ECE2: variants seen among roughly 807,000 people sequenced by gnomAD.
ECE2 encodes the protein endothelin-converting enzyme 2.
A neutral mutation model predicts 100.6 loss-of-function variants in ECE2; 81 were observed. The ratio of observed to expected loss-of-function variants is 0.81; its 90% CI spans 0.67 to 0.97. ECE2 has a LOEUF of 0.97. ECE2 is among the 50% of genes least tolerant of loss of function. The pLI, the probability that ECE2 is intolerant of heterozygous loss-of-function variation, is 0.00. For missense variants in ECE2, 911 were observed against 988.1 expected, an observed-to-expected ratio of 0.92 and a Z score of 1.05; for synonymous variants, 391 against 391.5, an observed-to-expected ratio of 1.00 and a Z score of 0.02.
chr3:184,292,272 C>T lies in ECE2; in HGVS notation c.*34C>T, dbSNP rs890517399. 3.7e-6 allele frequency: 6 copies of T among 1,609,616 alleles called. No homozygotes were observed. The highest frequency in any genetic ancestry group is 2.7e-5 in the African/African-American group (2 of 74,852). On this transcript the variant is annotated 3_prime_UTR_variant, in exon 19 of 19. Transcript: ENST00000404464. ...CAGGGGAGAAATGGCCAGCTGTCAC[C>T]AGACCTGGGGCAGCTCTCCTGACAA...
intron 5 of ECE2, 56 bp from the exon 6 acceptor site, chr3:184,278,111 C>A: frequency 6.2e-7 from 1 of 1,613,142 alleles, no homozygotes; most frequent in Non-Finnish European, 8.5e-7. Context: ...AGGAGATGGC[C>A]CAGGAACGCT....
Position 184,278,045 on chromosome 3 carries a change from A to G in ECE2, c.599A>G (p.Glu200Gly). 6.2e-7 allele frequency: 1 copy of G among 1,613,944 alleles called. No homozygotes were observed. Among genetic ancestry groups the G allele is most frequent in the Middle Eastern group, 1.7e-4 (1 of 6,050 alleles). Residue 200 changes from glutamate (E) to glycine (G), a missense_variant, in exon 5 of 19, where the codon GAG becomes GGG. By Grantham distance (98) the Glu-to-Gly change is moderately conservative. Transcript: ENST00000404464. ...LGAQPLRDLIEKIGGWNITGP... is the reference protein window; with the variant it reads ...LGAQPLRDLIGKIGGWNITGP... ...GCCCAGCCACTGAGAGACCTCATTG[A>G]GAAGGTAGGGCCACTGAGCCGGTTG... is the stretch of plus-strand genomic sequence containing the variant.
chr3:184,291,205 A>G lies in ECE2; in HGVS notation c.2000A>G (p.Asn667Ser), dbSNP rs748504825. 1.2e-6 allele frequency: 2 copies of G among 1,612,900 alleles called. No individual in the cohort carries two copies. Among genetic ancestry groups the G allele is most frequent in the East Asian group, 2.2e-5 (1 of 44,876 alleles). ...ACGCTGGGGGAGAACATTGCTGACA[A>G]CGGGGGGCTGAAGGCTGCCTACAAT... Reference protein sequence around the residue: ...RQTLGENIADNGGLKAAYNAY... With the variant: ...RQTLGENIADSGGLKAAYNAY... Residue 667 changes from asparagine (N) to serine (S), a missense_variant, in exon 17 of 19, where the codon AAC (asparagine) becomes AGC (serine). Transcript: ENST00000404464. The surrounding 1 kb of genome is among the most constrained non-coding windows in gnomAD (Gnocchi z 4.1).
rs753591380 is a variant in ECE2, at chr3:184,276,931, C to T, written c.166C>T (p.Arg56Cys). Residue 56 changes from arginine (R) to cysteine (C), a missense_variant, in exon 3 of 19, where the codon CGC (arginine) becomes TGC (cysteine). Physicochemically the swap from Arg to Cys is radical, Grantham distance 180 (BLOSUM62 -3). Transcript: ENST00000404464. ...QKGTRQLLGS[R>C]TQLELVLAGA... ...GGGGACAAGACAGCTGTTAGGCTCA[C>T]GCACGCAGCTGGAGCTGGTCTTAGC... The T allele has an allele frequency of 1.1e-5, 17 of 1,614,078 alleles. No homozygotes were observed. In the East Asian group the frequency reaches 1.8e-4, roughly 17 times the overall value.
At chr3:184,292,022 A>G (rs1721348376) in intron 18 of ECE2, 40 bp from the exon 19 acceptor site, 1 of 1,579,496 alleles carries the variant, frequency 6.3e-7, no homozygotes, top group South Asian at 1.1e-5. Context: ...CCGGCTCCAC[A>G]CTAGACACCA....
rs1720916180 is a variant in ECE2 at position 184,283,884 on chromosome 3, G to A, written c.916G>A (p.Glu306Lys). Residue 306 changes from glutamate to lysine, a missense_variant, in exon 8 of 19, where the codon GAG (glutamate) becomes AAG (lysine). Coordinates refer to ENST00000404464, the MANE Select transcript of ECE2 (RefSeq NM_001100121.2). ...REQMQQVLELEIQLANITVPQ... is the reference protein window; with the variant it reads ...REQMQQVLELKIQLANITVPQ... The stretch of plus-strand genomic sequence containing the variant: ...GCAGATGCAGCAGGTGCTGGAGTTG[G>A]AGATACAGCTGGCCAACATCACAGT... The A allele has an allele frequency of 1.2e-6, 2 of 1,613,990 alleles. No homozygotes were observed. Among genetic ancestry groups the A allele is most frequent in the Non-Finnish European group, 1.7e-6 (2 of 1,180,014 alleles).
chr3:184,281,023 G>T (rs1720796316), intron 7 of ECE2, among the ~76,000 whole-genome samples: 1 of 151,814 alleles, frequency 6.6e-6, no homozygotes, highest in African/African-American at 2.4e-5. Context: ...CCTAAACAAA[G>T]GCTTTGAAGA....
chr3:184,280,317 A>G (rs1720763059), intron 7 of ECE2, among the ~76,000 whole-genome samples: 1 of 152,192 alleles, frequency 6.6e-6, no homozygotes, highest in Non-Finnish European at 1.5e-5. Flanking sequence ...ATCCGTAAAC[A>G]GGGGATCATA....
chr3:184,278,716 C>T (rs1720686021), intron 7 of ECE2, 159 bp downstream of exon 7: 4 of 675,640 alleles, frequency 5.9e-6, no homozygotes, highest in Non-Finnish European at 9.9e-6. Flanking sequence ...TTCTTCCTCC[C>T]TCCCTCCCTT....
chr3:184,292,355 T>TCC lies in ECE2; in HGVS notation c.*123_*124dup. The TCC allele has an allele frequency of 8.4e-7, 1 of 1,195,802 alleles. No homozygotes were observed. Among genetic ancestry groups the TCC allele is most frequent in the African/African-American group, 1.5e-5 (1 of 65,800 alleles). The allele number at this position is 1,195,802 out of a possible 1,614,324, so 74.1% of individuals were successfully genotyped here. On this transcript the variant is annotated 3_prime_UTR_variant, in exon 19 of 19. Coordinates refer to ENST00000404464, the MANE Select transcript of ECE2 (RefSeq NM_001100121.2). ...TGCAAGCTGGGCTGGGTCTAGTCCC[T>TCC]CCCCCCCACAGGTGACATGAGTACA... is the stretch of plus-strand genomic sequence containing the variant.
chr3:184,290,940 C>T, intron 16 of ECE2, 80 bp downstream of exon 16: 1 of 1,604,858 alleles, frequency 6.2e-7, no homozygotes, highest in South Asian at 1.1e-5. Flanking sequence ...GATGTAGCCC[C>T]AAGGGCCCTG....
chr3:184,288,060 C>T (rs1270193679), intron 11 of ECE2, 113 bp downstream of exon 11: 1 of 968,460 alleles, frequency 1.0e-6, no homozygotes, highest in Non-Finnish European at 1.5e-6. Flanking sequence ...CCGGTAATCC[C>T]AGCACTTTGG....
In ECE2 at chr3:184,277,286, A is replaced by G. The variant is rs1577133263; in HGVS notation, c.298A>G (p.Ile100Val). 2 of 1,614,236 alleles carry G rather than the reference A, an allele frequency of 1.2e-6. No homozygotes were observed. The highest frequency in any genetic ancestry group is 1.7e-6 in the Non-Finnish European group (2 of 1,180,032). Residue 100 changes from isoleucine to valine, a missense_variant, in exon 4 of 19, where the codon ATT becomes GTT. By Grantham distance (29) the Ile-to-Val change is conservative. Coordinates refer to ENST00000404464, the MANE Select transcript of ECE2 (RefSeq NM_001100121.2). The stretch of plus-strand genomic sequence containing the variant: ...CAGCACCTGCCTTACAGAGGCCTGC[A>G]TTCGAGTGGCTGGAAAAATCCTGGA... ...SHSTCLTEAC[I>V]RVAGKILESL... is the part of the protein sequence containing the mutation.
Position 184,291,223 on chromosome 3 carries a change from C to A in ECE2, c.2018C>A (p.Ala673Asp). ...NIADNGGLKA[A>D]YNAYKAWLRK... ...GCTGACAACGGGGGGCTGAAGGCTG[C>A]CTACAATGTGAGTGGCCTGACCAGC... The change falls in exon 17 of 19, where the codon GCC becomes GAC. Residue 673 changes from alanine to aspartate, a missense_variant. Physicochemically the swap from Ala to Asp is moderately radical, Grantham distance 126 (BLOSUM62 -2). Coordinates refer to ENST00000404464, the MANE Select transcript of ECE2 (RefSeq NM_001100121.2). This position sits in a 1 kb window ranked among gnomAD's most constrained non-coding sequence, Gnocchi z 4.1. 1 of 1,611,324 alleles carries A rather than the reference C, an allele frequency of 6.2e-7. No individual in the cohort carries two copies. Among genetic ancestry groups the A allele is most frequent in the East Asian group, 2.2e-5 (1 of 44,866 alleles).
chr3:184,276,407 G>A, intron 1 of ECE2, 74 bp from the exon 2 acceptor site: 1 of 1,539,368 alleles, frequency 6.5e-7, no homozygotes, highest in Non-Finnish European at 8.8e-7. Flanking sequence ...GCGAGGCAGG[G>A]AGCACTGGGG....
At chr3:184,276,800 T>C in intron 2 of ECE2, 92 bp from the exon 3 acceptor site, 3 of 1,580,440 alleles carry the variant, frequency 1.9e-6, no homozygotes, top group Non-Finnish European at 1.7e-6. Context: ...GTTAACCCTG[T>C]GGCTCTGAAA....
At chr3:184,284,119 TC>T in intron 8 of ECE2, 146 bp downstream of exon 8, 1 of 1,025,646 alleles carries the variant, frequency 9.7e-7, no homozygotes. Context: ...ACTGCTGCTG[TC>T]CTGGGGAAAA....
At chr3:184,282,313 G>A (rs1351802619) in intron 7 of ECE2, among the ~76,000 whole-genome samples, 1 of 152,198 alleles carries the variant, frequency 6.6e-6, no homozygotes, top group African/African-American at 2.4e-5. Context: ...GTGAGAGACA[G>A]GAGGAATTTG....
chr3:184,292,245 A>G lies in ECE2; in HGVS notation c.*7A>G. On this transcript the variant is annotated 3_prime_UTR_variant, in exon 19 of 19. Transcript: ENST00000404464. The stretch of plus-strand genomic sequence containing the variant: ...GCTGTGTGAGGTGTGGTAGACCTGG[A>G]TCAGGGGAGAAATGGCCAGCTGTCA... 1 of 1,613,638 alleles carries G rather than the reference A, an allele frequency of 6.2e-7. No homozygotes were observed.
Sources: allele counts gnomAD v4.1 joint callset (sites outside exome capture counted in the v4.1 genomes callset), GRCh38; gene constraint gnomAD v4.1.1; non-coding constraint Gnocchi (gnomAD v3.1); transcripts MANE v1.5; gene names NCBI Gene and HGNC (gene_info 2026-07-23, HGNC 2026-07-21).